NRXN1: variants seen among roughly 807,000 people sequenced by gnomAD.
The protein encoded by NRXN1 is neurexin 1.
In NRXN1, 39 loss-of-function variants were observed where a neutral mutation model predicts 150.9. The ratio of observed to expected loss-of-function variants is 0.26; its 90% CI spans 0.20 to 0.34. NRXN1 has a LOEUF of 0.34. Among genes scored for constraint, NRXN1 ranks in the 10% least tolerant of loss-of-function variants. The pLI, the probability that NRXN1 is intolerant of heterozygous loss-of-function variation, is 1.00. For missense variants in NRXN1, 1,815 were observed against 1,949.9 expected (o/e 0.93, Z 1.30); for synonymous variants, 924 against 757.0 (o/e 1.22, Z -3.62).
intron 17 of NRXN1, among the ~76,000 whole-genome samples, chr2:50,355,084 G>A (rs984080978): frequency 1.3e-5 from 2 of 151,956 alleles, no homozygotes; most frequent in African/African-American, 4.8e-5. Context: ...AGGACTCAGA[G>A]CATAAAACAA....
chr2:50,770,229 G>C (rs1369201917), intron 5 of NRXN1, among the ~76,000 whole-genome samples: 1 of 152,074 alleles, frequency 6.6e-6, no homozygotes, highest in Non-Finnish European at 1.5e-5. Context: ...TGAGAAAACA[G>C]AGTCTATTTT....
chr2:50,052,270 T>C (rs1323110029), intron 21 of NRXN1, among the ~76,000 whole-genome samples: 1 of 152,090 alleles, frequency 6.6e-6, no homozygotes, highest in Non-Finnish European at 1.5e-5. Context: ...GTAGGGATCG[T>C]GTATTTGGAA....
intron 22 of NRXN1, among the ~76,000 whole-genome samples, chr2:49,939,302 T>C (rs777495013): frequency 7.9e-5 from 12 of 152,192 alleles, no homozygotes; most frequent in Admixed American, 2.6e-4. Flanking sequence ...TATCTATCTC[T>C]CATGTGTCTA....
At chr2:50,885,085 A>C (rs1188799272) in intron 5 of NRXN1, among the ~76,000 whole-genome samples, 1 of 151,650 alleles carries the variant, frequency 6.6e-6, no homozygotes, top group African/African-American at 2.4e-5. Context: ...ATTACTAAGC[A>C]AAGTGAAATT....
intron 5 of NRXN1, among the ~76,000 whole-genome samples, chr2:50,661,573 A>G (rs1687308720): frequency 6.6e-6 from 1 of 152,064 alleles, no homozygotes; most frequent in African/African-American, 2.4e-5. Flanking sequence ...GTTTAGACAC[A>G]TAGCCCCAGA....
intron 5 of NRXN1, among the ~76,000 whole-genome samples, chr2:50,644,327 CTGAAA>C (rs1684491656): frequency 1.3e-5 from 2 of 151,738 alleles, no homozygotes; most frequent in South Asian, 4.2e-4. Context: ...TTTTTCTGAT[CTGAAA>C]AAGATAGCTT....
intron 5 of NRXN1, among the ~76,000 whole-genome samples, chr2:50,803,946 A>G (rs1667167329): frequency 6.6e-6 from 1 of 152,182 alleles, no homozygotes; most frequent in Non-Finnish European, 1.5e-5. Context: ...TATCACTCTC[A>G]TAAACTTCAG....
chr2:50,605,179 C>T (rs1305816207), intron 8 of NRXN1, among the ~76,000 whole-genome samples: 1 of 152,146 alleles, frequency 6.6e-6, no homozygotes, highest in Non-Finnish European at 1.5e-5. Flanking sequence ...AATCCTGTTT[C>T]TATGCTTATT....
At chr2:50,145,299 TACAC>T (rs3050734) in intron 18 of NRXN1, among the ~76,000 whole-genome samples, 1 of 150,708 alleles carries the variant, frequency 6.6e-6, no homozygotes. Flanking sequence ...TCCACACAAA[TACAC>T]ACACACACAC....
Position 51,027,486 on chromosome 2 carries a change from G to A in NRXN1, c.772+16C>T, listed in dbSNP as rs1038056478. 7 of 1,495,292 alleles carry A rather than the reference G, an allele frequency of 4.7e-6. No individual in the cohort carries two copies. Among genetic ancestry groups the A allele is most frequent in the East Asian group, 2.3e-5 (1 of 42,658 alleles). The allele number at this position is 1,495,292 out of a possible 1,614,324, so 92.6% of individuals were successfully genotyped here. ...GCCCAGGCCCCGGCCCCCGTGGGTCGGGCGTCGGGCCTTACCTTGGCTGCA... is the reference window on the plus strand; with the variant it reads ...GCCCAGGCCCCGGCCCCCGTGGGTCAGGCGTCGGGCCTTACCTTGGCTGCA... On this transcript the variant is annotated intron_variant, in intron 2 of 22. Coordinates refer to ENST00000401669, the MANE Select transcript of NRXN1 (RefSeq NM_001330078.2).
intron 2 of NRXN1, among the ~76,000 whole-genome samples, chr2:50,967,267 A>G (rs1558505636): frequency 6.6e-6 from 1 of 152,014 alleles, no homozygotes; most frequent in African/African-American, 2.4e-5. Context: ...ATATAGATTT[A>G]TATGAATTCT....
intron 18 of NRXN1, among the ~76,000 whole-genome samples, chr2:50,211,487 T>C (rs1315690106): frequency 6.6e-6 from 1 of 151,618 alleles, no homozygotes; most frequent in Non-Finnish European, 1.5e-5. Context: ...ATAAACCTTG[T>C]AATTTTCATA....
chr2:51,017,892 C>T (rs1668977361), intron 2 of NRXN1, among the ~76,000 whole-genome samples: 1 of 152,038 alleles, frequency 6.6e-6, no homozygotes, highest in Non-Finnish European at 1.5e-5. Context: ...TTCCATACAA[C>T]AACTATAGTC....
intron 18 of NRXN1, among the ~76,000 whole-genome samples, chr2:50,151,879 A>T (rs1420668731): frequency 6.6e-6 from 1 of 151,820 alleles, no homozygotes; most frequent in East Asian, 1.9e-4. Flanking sequence ...AGCAAACAAA[A>T]ATAGAAATAA....
In NRXN1 at chr2:50,225,247, G is replaced by A. The variant is rs79585872; in HGVS notation, c.3546+11542C>T. Among the ~76,000 whole-genome samples the A allele has an allele frequency of 3.0e-4, 46 of 151,936 alleles. 1 individual carries two copies. Among genetic ancestry groups the A allele is most frequent in the African/African-American group, 1.1e-3 (45 of 41,416 alleles). ...TGACAATGGAAAACTACCAGCAGGA[G>A]GGCAAGAGAGGCCACAGTCAAAAGT... is the stretch of plus-strand genomic sequence containing the variant. On this transcript the variant is annotated intron_variant, in intron 18 of 22. Coordinates refer to ENST00000401669, the MANE Select transcript of NRXN1 (RefSeq NM_001330078.2).
chr2:50,298,280 C>T (rs2073818724), intron 17 of NRXN1, among the ~76,000 whole-genome samples: 1 of 152,038 alleles, frequency 6.6e-6, no homozygotes, highest in Non-Finnish European at 1.5e-5. Context: ...AAAATTAACA[C>T]AAATTGAATA....
intron 17 of NRXN1, among the ~76,000 whole-genome samples, chr2:50,263,542 C>T (rs1233360244): frequency 6.6e-6 from 1 of 151,968 alleles, no homozygotes; most frequent in South Asian, 2.1e-4. Context: ...GGCTTAATTA[C>T]AGTTGGTCAT....
chr2:50,580,029 G>T (rs942868637), intron 8 of NRXN1, among the ~76,000 whole-genome samples: 4 of 152,106 alleles, frequency 2.6e-5, no homozygotes, highest in Non-Finnish European at 4.4e-5. Flanking sequence ...TTTCCCATGA[G>T]GTTTGAGAAC....
chr2:50,135,466 G>C (rs949626284), intron 18 of NRXN1, among the ~76,000 whole-genome samples: 2 of 152,084 alleles, frequency 1.3e-5, no homozygotes, highest in Non-Finnish European at 2.9e-5. Context: ...GCTGAGGTAG[G>C]TGGATCACGA....
Sources: gnomAD v4.1 joint callset for allele counts (sites outside exome capture counted in the v4.1 genomes callset) on GRCh38, gnomAD v4.1.1 for gene constraint, MANE v1.5 for transcripts, NCBI Gene and HGNC (gene_info 2026-07-23, HGNC 2026-07-21) for gene names.